The following CERKL variants were observed in gnomAD, a reference collection of about 807,000 sequenced individuals.
CERKL encodes the protein ceramide kinase-like protein.
A neutral mutation model predicts 63.4 loss-of-function variants in CERKL; 61 were observed. The observed-to-expected ratio is 0.96, with a 90% CI of 0.78 to 1.19. The LOEUF (loss-of-function observed/expected upper bound fraction) is 1.19. Ranked by LOEUF, CERKL falls within the 50% of genes most tolerant of loss-of-function variation. The pLI is 0.00. For synonymous variants in CERKL, 250 were observed against 230.5 expected (o/e 1.08, Z -0.77); for missense variants, 675 against 655.5 (o/e 1.03, Z -0.33).
intron 3 of CERKL, among the ~76,000 whole-genome samples, chr2:181,571,524 T>G (rs1410318599): frequency 6.6e-6 from 1 of 152,126 alleles, no homozygotes; most frequent in Non-Finnish European, 1.5e-5. Flanking sequence ...TTTTTAATTT[T>G]AATTCTGCTG....
At chr2:181,619,667 GA>G (rs775866915) in intron 1 of CERKL, among the ~76,000 whole-genome samples, 9 of 152,168 alleles carry the variant, frequency 5.9e-5, no homozygotes, top group East Asian at 1.9e-4. Context: ...CTAGCACATG[GA>G]AGGCTTTCTT....
chr2:181,624,655 G>T (rs151278189), intron 1 of CERKL, among the ~76,000 whole-genome samples: 3 of 152,322 alleles, frequency 2.0e-5, no homozygotes, highest in East Asian at 3.9e-4. Context: ...AACACCAAGT[G>T]GTGACAATGA....
rs368625919 is a variant in CERKL, at chr2:181,593,515, T to C, written c.481+10322A>G. On this transcript the variant is annotated intron_variant, in intron 2 of 12. Coordinates refer to ENST00000410087, the MANE Select transcript of CERKL (RefSeq NM_201548.5). ...AGACAATTCAGAAGTATATAAAGAA[T>C]TCCATCATTTCCTTTTGGAAAAAAA... is the stretch of plus-strand genomic sequence containing the variant. Among the ~76,000 whole-genome samples, 7 of 151,720 alleles carry C rather than the reference T, an allele frequency of 4.6e-5. No individual in the cohort carries two copies. The East Asian group carries it at 1.2e-3, about 25-fold the overall frequency.
intron 3 of CERKL, among the ~76,000 whole-genome samples, chr2:181,569,804 A>G (rs995672660): frequency 3.9e-5 from 6 of 152,164 alleles, no homozygotes; most frequent in Non-Finnish European, 8.8e-5. Context: ...CTCCTATACA[A>G]TAGATGGGGC....
intron 3 of CERKL, among the ~76,000 whole-genome samples, chr2:181,567,578 G>C (rs1250981129): frequency 6.6e-6 from 1 of 151,872 alleles, no homozygotes; most frequent in Non-Finnish European, 1.5e-5. Flanking sequence ...CATTGCAAAA[G>C]TCCAATAAAA....
At position 181,584,073 on chromosome 2, in the gene CERKL, T is replaced by C. The variant is rs72885332; in HGVS notation, c.482-10189A>G. 1.4e-3 allele frequency among the ~76,000 whole-genome samples: 211 copies of C among 152,334 alleles called. 2 individuals are homozygous for C. Among genetic ancestry groups the C allele is most frequent in the Non-Finnish European group, 2.3e-3 (155 of 68,026 alleles). On this transcript the variant is annotated intron_variant, in intron 2 of 12. Transcript: ENST00000410087. Reference sequence around the variant, plus strand: ...GAACACATTGGCAGAATAAAATGTTTGAAGCAGATACAGAAAAATGTTAAG... The same window carrying C: ...GAACACATTGGCAGAATAAAATGTTCGAAGCAGATACAGAAAAATGTTAAG...
chr2:181,538,218 T>TAAAG lies in CERKL; in HGVS notation c.1561_1564dup (p.Tyr522SerfsTer19), dbSNP rs777027354. On this transcript the variant is annotated frameshift_variant, in exon 13 of 13. Transcript: ENST00000410087. LOFTEE classifies it high-confidence loss of function. Reference sequence around the variant, plus strand: ...AATCATTTCTTCCATGCTTCCTCCATAAAGACTGATAAGTCTTGGATGCAA... The same window carrying TAAAG: ...AATCATTTCTTCCATGCTTCCTCCATAAAGAAAGACTGATAAGTCTTGGATGCAA... 6.3e-7 allele frequency: 1 copy of TAAAG among 1,592,004 alleles called. No homozygotes were observed. The highest frequency in any genetic ancestry group is 2.2e-5 in the East Asian group (1 of 44,742).
At chr2:181,640,953 G>A (rs1687393900) in intron 1 of CERKL, among the ~76,000 whole-genome samples, 1 of 152,176 alleles carries the variant, frequency 6.6e-6, no homozygotes, top group African/African-American at 2.4e-5. Flanking sequence ...GAGAGAGGAA[G>A]GGTCCACAAA....
chr2:181,628,313 C>CT (rs1235871632), intron 1 of CERKL, among the ~76,000 whole-genome samples: 2 of 152,148 alleles, frequency 1.3e-5, no homozygotes, highest in Non-Finnish European at 2.9e-5. Context: ...CTAAGGAGCT[C>CT]TGTCGTACTT....
At chr2:181,577,064 G>T (rs1156938982) in intron 2 of CERKL, among the ~76,000 whole-genome samples, 1 of 152,170 alleles carries the variant, frequency 6.6e-6, no homozygotes, top group Non-Finnish European at 1.5e-5. Context: ...GTAGTCTGGG[G>T]TGTGGTCTGC....
Position 181,657,040 on chromosome 2 carries a change from C to T in CERKL, c.-34G>A. 2 of 1,542,710 alleles carry T rather than the reference C, an allele frequency of 1.3e-6. No individual in the cohort carries two copies. Among genetic ancestry groups the T allele is most frequent in the South Asian group, 2.3e-5 (2 of 86,234 alleles). ...CGCAGGCTGGGCCCGAGCCAGGGGT[C>T]CGGGGAGGCCTTTGGAGAAGGAGGT... On this transcript the variant is annotated 5_prime_UTR_variant, in exon 1 of 13. Transcript: ENST00000410087.
In CERKL at chr2:181,656,966, T is replaced by A. The variant is rs372089851; in HGVS notation, c.41A>T (p.Glu14Val). ...GGGCGCCTCTTCCTCCCGGCCGCCC[T>A]CCAGGGCACTCACCCGGTTCCTGCG... is the stretch of plus-strand genomic sequence containing the variant. Reference protein sequence around the residue: ...RRRRNRVSALEGGREEEAPPE... With the variant: ...RRRRNRVSALVGGREEEAPPE... The change falls in exon 1 of 13, where the codon GAG becomes GTG. Residue 14 changes from glutamate (E) to valine (V), a missense_variant. Coordinates refer to ENST00000410087, the MANE Select transcript of CERKL (RefSeq NM_201548.5). 1.3e-6 allele frequency: 2 copies of A among 1,582,294 alleles called. No individual in the cohort carries two copies. The highest frequency in any genetic ancestry group is 1.7e-6 in the Non-Finnish European group (2 of 1,166,238).
chr2:181,624,685 T>C (rs918574783), intron 1 of CERKL, among the ~76,000 whole-genome samples: 1 of 151,546 alleles, frequency 6.6e-6, no homozygotes, highest in Non-Finnish European at 1.5e-5. Flanking sequence ...AGCGTGGATA[T>C]ATTTCCAAGG....
intron 5 of CERKL, among the ~76,000 whole-genome samples, chr2:181,556,827 C>T (rs1688230180): frequency 6.6e-6 from 1 of 152,218 alleles, no homozygotes; most frequent in East Asian, 1.9e-4. Flanking sequence ...ACACTGTCTT[C>T]CACAATGGTT....
intron 1 of CERKL, among the ~76,000 whole-genome samples, chr2:181,639,741 G>A (rs1249411108): frequency 6.6e-6 from 1 of 152,170 alleles, no homozygotes; most frequent in Non-Finnish European, 1.5e-5. Context: ...CCCAGCAACT[G>A]AAATTACTGG....
chr2:181,578,963 G>A (rs561623837), intron 2 of CERKL, among the ~76,000 whole-genome samples: 3 of 152,050 alleles, frequency 2.0e-5, no homozygotes, highest in African/African-American at 7.3e-5. Context: ...TACTCTTAAG[G>A]TTTTATCATA....
intron 7 of CERKL, 25 bp downstream of exon 7, chr2:181,548,655 T>A (rs1687841662): frequency 6.2e-7 from 1 of 1,613,110 alleles, no homozygotes; most frequent in East Asian, 2.2e-5. Flanking sequence ...TGGGATACAA[T>A]TTTTGGTTTA....
chr2:181,578,254 GTGT>G (rs796375763), intron 2 of CERKL, among the ~76,000 whole-genome samples: 22 of 128,428 alleles, frequency 1.7e-4, no homozygotes, highest in African/African-American at 6.4e-4. Flanking sequence ...ATATATATGT[GTGT>G]GGGGGGGTAT....
chr2:181,598,055 C>T (rs545277857), intron 2 of CERKL, among the ~76,000 whole-genome samples: 8 of 152,076 alleles, frequency 5.3e-5, no homozygotes, highest in African/African-American at 1.2e-4. Context: ...CTGTTGAAGA[C>T]GCAGCAGTGG....
Sources: gnomAD v4.1 joint callset for allele counts (sites outside exome capture counted in the v4.1 genomes callset) on GRCh38, gnomAD v4.1.1 for gene constraint, MANE v1.5 for transcripts, NCBI Gene and HGNC (gene_info 2026-07-23, HGNC 2026-07-21) for gene names.